The following FRMD1 variants were observed in gnomAD, a reference collection of about 807,000 sequenced individuals.
The protein encoded by FRMD1 is FERM domain containing 1, also known as FERM domain-containing protein 1.
FRMD1 carries 51 observed loss-of-function variants against 54.9 expected under a neutral mutation model. The ratio of observed to expected loss-of-function variants is 0.93; its 90% CI spans 0.74 to 1.17. FRMD1 has a LOEUF of 1.17. Among genes scored for constraint, FRMD1 ranks in the 50% most tolerant of loss-of-function variants. The pLI is 0.00. For missense variants in FRMD1, 729 were observed against 743.0 expected (o/e 0.98, Z 0.22); for synonymous variants, 324 against 306.4 (o/e 1.06, Z -0.60).
intron 5 of FRMD1, 24 bp downstream of exon 5, chr6:168,064,847 G>A (rs1799942384): frequency 3.2e-6 from 5 of 1,540,140 alleles, no homozygotes; most frequent in Non-Finnish European, 4.4e-6. Flanking sequence ...AGCAGTGCTG[G>A]GAGGAGGTGG....
chr6:168,056,109 C>G lies in FRMD1; in HGVS notation c.*988G>C, dbSNP rs3823459. 0.37 allele frequency: 56,560 copies of G among 152,272 alleles called. 12,143 individuals carry two copies. The highest frequency in any genetic ancestry group is 0.57 in the South Asian group (2,751 of 4,820). 9.4% of individuals were successfully genotyped at this position (152,272 alleles called of 1,614,324 possible). ...TAGCAGGGATGCACGGGCCATTCCT[C>G]TAAATGCAGAGGACAGCAGGTTTGC... On this transcript the variant is annotated 3_prime_UTR_variant, in exon 11 of 11. Coordinates refer to ENST00000283309, the MANE Select transcript of FRMD1 (RefSeq NM_024919.6).
intron 1 of FRMD1, among the ~76,000 whole-genome samples, chr6:168,089,297 G>C (rs1261728298): frequency 6.6e-6 from 1 of 152,220 alleles, no homozygotes; most frequent in Non-Finnish European, 1.5e-5. Flanking sequence ...CAGCCCCTGG[G>C]GCACAGTCAC....
upstream of FRMD1, among the ~76,000 whole-genome samples, chr6:168,084,958 G>T (rs370275108): frequency 8.5e-5 from 13 of 152,102 alleles, no homozygotes; most frequent in East Asian, 1.5e-3. Flanking sequence ...GGCTGCTGGG[G>T]GAGGGCGGGA....
chr6:168,088,171 G>A lies in FRMD1; in HGVS notation c.-11-9147C>T, dbSNP rs12191515. Among the ~76,000 whole-genome samples, 216 of 152,326 alleles carry A rather than the reference G, an allele frequency of 1.4e-3. 1 individual carries two copies. Among genetic ancestry groups the A allele is most frequent in the African/African-American group, 3.5e-3 (147 of 41,570 alleles). On this transcript the variant is annotated intron_variant, in intron 1 of 12. Transcript: ENST00000644440. ...GGGCTGAGAGAAGCTGGTGGGGGAC[G>A]TCAGGGCCCATGCTGCCTCTGGGAT...
At chr6:168,067,803 G>A (rs1050744388) in intron 2 of FRMD1, among the ~76,000 whole-genome samples, 1 of 152,154 alleles carries the variant, frequency 6.6e-6, no homozygotes, top group African/African-American at 2.4e-5. Context: ...TATGGAATGA[G>A]TCGTTTAAAA....
At chr6:168,092,295 G>A (rs1394924971) in intron 1 of FRMD1, among the ~76,000 whole-genome samples, 2 of 152,168 alleles carry the variant, frequency 1.3e-5, no homozygotes, top group Non-Finnish European at 2.9e-5. Flanking sequence ...AAATGTTCTC[G>A]ATAAAGACTC....
intron 10 of FRMD1, among the ~76,000 whole-genome samples, chr6:168,058,859 G>A (rs115437286): frequency 0.022 from 3,411 of 152,178 alleles, 75 homozygotes; most frequent in Admixed American, 0.053. Context: ...CTCAGGGCCC[G>A]GCCACCCCAG....
In FRMD1 at chr6:168,066,746, T is replaced by C. The variant is rs761268945; in HGVS notation, c.461+9A>G. On this transcript the variant is annotated intron_variant, in intron 4 of 10. Coordinates refer to ENST00000283309, the MANE Select transcript of FRMD1 (RefSeq NM_024919.6). ...CAGGAAACACCCCTTACAGTCCGCA[T>C]GCCGTTACCTTATGACCCTTCCGTT... 3 of 1,611,404 alleles carry C rather than the reference T, an allele frequency of 1.9e-6. No homozygotes were observed. The highest frequency in any genetic ancestry group is 1.1e-5 in the South Asian group (1 of 90,422).
chr6:168,083,320 C>T (rs2115028191), upstream of FRMD1, among the ~76,000 whole-genome samples: 1 of 152,314 alleles, frequency 6.6e-6, no homozygotes, highest in South Asian at 2.1e-4. Flanking sequence ...AGGATGGGCG[C>T]TGGAAAGGCC....
intron 1 of FRMD1, among the ~76,000 whole-genome samples, chr6:168,087,225 C>T (rs1325505033): frequency 6.6e-6 from 1 of 152,148 alleles, no homozygotes; most frequent in African/African-American, 2.4e-5. Context: ...AGCCACCATG[C>T]CCAGCTAATG....
At chr6:168,086,187 C>T (rs116621945), upstream of FRMD1, among the ~76,000 whole-genome samples, 2,446 of 152,270 alleles carry the variant, frequency 0.016, 66 homozygotes, top group African/African-American at 0.056. Flanking sequence ...TGGATGCCCA[C>T]ATTCCCAGTG....
At chr6:168,062,636 G>T in intron 7 of FRMD1, 1 of 1,542,828 alleles carries the variant, frequency 6.5e-7, no homozygotes, top group Non-Finnish European at 8.8e-7. Flanking sequence ...ATCTGCCCAG[G>T]CTTTCCAGGG....
chr6:168,062,576 AC>A, intron 7 of FRMD1: 2 of 1,264,980 alleles, frequency 1.6e-6, no homozygotes, highest in Non-Finnish European at 2.2e-6. Context: ...AGGGACCTGC[AC>A]CTCTTCGGGT....
In FRMD1 at chr6:168,055,915, A is replaced by ACGCAGC. The variant is rs1351700595; in HGVS notation, c.*1176_*1181dup. On this transcript the variant is annotated 3_prime_UTR_variant, in exon 11 of 11. Coordinates refer to ENST00000283309, the MANE Select transcript of FRMD1 (RefSeq NM_024919.6). ...CCCGTCAAAGAGGCGGCCTCAATGC[A>ACGCAGC]CGCAGCCCTGCACCAGGCCATGGGG... The ACGCAGC allele has an allele frequency of 6.6e-6, 1 of 152,252 alleles. No individual in the cohort carries two copies. Among genetic ancestry groups the ACGCAGC allele is most frequent in the African/African-American group, 2.4e-5 (1 of 41,470 alleles). 9.4% of individuals were successfully genotyped at this position (152,252 alleles called of 1,614,324 possible).
intron 5 of FRMD1, 39 bp from the exon 6 acceptor site, chr6:168,063,795 G>A: frequency 6.4e-7 from 1 of 1,567,088 alleles, no homozygotes; most frequent in Non-Finnish European, 8.7e-7. Flanking sequence ...GACCCCTGCT[G>A]GTCCCCCCTT....
At chr6:168,062,090 GT>G (rs1799774291) in intron 7 of FRMD1, 109 bp from the exon 8 acceptor site, 1 of 1,170,654 alleles carries the variant, frequency 8.5e-7, no homozygotes, top group Non-Finnish European at 1.2e-6. Context: ...CGAGGCCCAG[GT>G]TTTCACTTCG....
chr6:168,090,591 C>T (rs6913441), intron 1 of FRMD1, among the ~76,000 whole-genome samples: 52,074 of 152,092 alleles, frequency 0.34, 9,926 homozygotes, highest in African/African-American at 0.52. Flanking sequence ...TGGCTGCATA[C>T]GGCGTTTAGA....
rs1799344239 is a variant in FRMD1 at position 168,054,507 on chromosome 6, C to T, written c.*2590G>A. The stretch of plus-strand genomic sequence containing the variant: ...CCTCCCCCACCGGCCTGCCTCATGC[C>T]ACCTGAAGGCCACAAGCCCCCCTGT... On this transcript the variant is annotated 3_prime_UTR_variant, in exon 11 of 11. Coordinates refer to ENST00000283309, the MANE Select transcript of FRMD1 (RefSeq NM_024919.6). The T allele has an allele frequency of 6.6e-6, 1 of 150,750 alleles. No individual in the cohort carries two copies. Among genetic ancestry groups the T allele is most frequent in the African/African-American group, 2.4e-5 (1 of 40,870 alleles). The allele number at this position is 150,750 out of a possible 1,614,324, so 9.3% of individuals were successfully genotyped here. A position where few individuals can be genotyped will look rare whatever the true frequency, so the allele number is the denominator to read the frequency against.
In FRMD1 at chr6:168,053,283, G is replaced by GT. The variant is rs1345083799; in HGVS notation, c.*3813dup. The stretch of plus-strand genomic sequence containing the variant: ...AGCCTCCCCATCACAGCTCGCCGCC[G>GT]TGAGAACGGTCATGGGCCCGGCTGC... On this transcript the variant is annotated 3_prime_UTR_variant, in exon 11 of 11. Transcript: ENST00000283309. 2 of 152,244 alleles carry GT rather than the reference G, an allele frequency of 1.3e-5. No individual in the cohort carries two copies. Among genetic ancestry groups the GT allele is most frequent in the African/African-American group, 4.8e-5 (2 of 41,460 alleles). 9.4% of individuals were successfully genotyped at this position (152,244 alleles called of 1,614,324 possible). A position where few individuals can be genotyped will look rare whatever the true frequency, so the allele number is the denominator to read the frequency against.
Sources: allele counts gnomAD v4.1 joint callset (sites outside exome capture counted in the v4.1 genomes callset), GRCh38; gene constraint gnomAD v4.1.1; transcripts MANE v1.5; gene names NCBI Gene and HGNC (gene_info 2026-07-23, HGNC 2026-07-21).